PDLIM5: variants seen among roughly 807,000 people sequenced by gnomAD.
PDLIM5 encodes the protein PDZ and LIM domain 5.
In PDLIM5, 34 loss-of-function variants were observed where a neutral mutation model predicts 64.2. The ratio of observed to expected loss-of-function variants is 0.53; its 90% CI spans 0.40 to 0.71. The LOEUF (loss-of-function observed/expected upper bound fraction) is 0.71. PDLIM5 is among the 30% of genes least tolerant of loss of function. The pLI is 0.00. For missense variants in PDLIM5, 683 were observed against 733.6 expected (o/e 0.93, Z 0.80); for synonymous variants, 253 against 269.1 (o/e 0.94, Z 0.59).
chr4:94,471,029 G>A lies in PDLIM5; in HGVS notation c.96+15645G>A, dbSNP rs531221347. On this transcript the variant is annotated intron_variant, in intron 2 of 12. Transcript: ENST00000317968. ...CCCCTTTATAAACCCATCAGGTTTC[G>A]TGAGACTTTTTCACTATCATGAGAG... 3.6e-4 allele frequency among the ~76,000 whole-genome samples: 55 copies of A among 152,178 alleles called. 1 individual carries two copies. The South Asian group carries it at 7.5e-3, about 21-fold the overall frequency.
chr4:94,609,714 G>A (rs1223633480), intron 7 of PDLIM5, among the ~76,000 whole-genome samples: 1 of 152,172 alleles, frequency 6.6e-6, no homozygotes, highest in Middle Eastern at 3.4e-3. Flanking sequence ...GTATTAAAAT[G>A]TCACGCTGTC....
intron 6 of PDLIM5, among the ~76,000 whole-genome samples, chr4:94,586,033 C>T (rs550831556): frequency 1.3e-5 from 2 of 152,026 alleles, no homozygotes; most frequent in Admixed American, 6.5e-5. Flanking sequence ...ATCTGGGCAT[C>T]GTGGAAGCCA....
intron 8 of PDLIM5, among the ~76,000 whole-genome samples, chr4:94,623,419 C>T (rs1375752225): frequency 4.6e-5 from 7 of 152,190 alleles, no homozygotes; most frequent in African/African-American, 9.7e-5. Flanking sequence ...CTTCTCTTTA[C>T]CTTTTAAGAC....
chr4:94,538,126 G>T (rs1731472796), intron 3 of PDLIM5, among the ~76,000 whole-genome samples: 1 of 152,084 alleles, frequency 6.6e-6, no homozygotes, highest in African/African-American at 2.4e-5. Context: ...GAAAATTTTT[G>T]CTTTATTAGT....
chr4:94,455,812 T>G, intron 2 of PDLIM5: 1 of 1,502,294 alleles, frequency 6.7e-7, no homozygotes, highest in Non-Finnish European at 9.0e-7. Context: ...CGGAATTATT[T>G]CCTCAGCTCA....
rs147579965 is a variant in PDLIM5 at position 94,645,321 on chromosome 4, G to A, written c.1283+4871G>A. ...AGTTTCTTTATCCATTGATTGATGGGCATTTGGGCTAGTTCCATATTTTTG... is the reference window on the plus strand; with the variant it reads ...AGTTTCTTTATCCATTGATTGATGGACATTTGGGCTAGTTCCATATTTTTG... On this transcript the variant is annotated intron_variant, in intron 9 of 12. Coordinates refer to ENST00000317968, the MANE Select transcript of PDLIM5 (RefSeq NM_006457.5). 6.4e-3 allele frequency among the ~76,000 whole-genome samples: 975 copies of A among 152,254 alleles called. 7 individuals carry two copies. Among genetic ancestry groups the A allele is most frequent in the Middle Eastern group, 0.02 (6 of 294 alleles).
intron 2 of PDLIM5, among the ~76,000 whole-genome samples, chr4:94,477,607 AG>A (rs1349635289): frequency 6.6e-6 from 1 of 152,230 alleles, no homozygotes; most frequent in African/African-American, 2.4e-5. Flanking sequence ...CAGTAATAGA[AG>A]AAATGTAATG....
intron 3 of PDLIM5, among the ~76,000 whole-genome samples, chr4:94,535,835 CT>C (rs10590994): frequency 0.3 from 37,224 of 122,756 alleles, 6,826 homozygotes; most frequent in African/African-American, 0.54. Flanking sequence ...ATAAGGTCCT[CT>C]TTTTTTTTTT....
In PDLIM5 at chr4:94,657,555, C is replaced by T; in HGVS notation, c.1585+8C>T. On this transcript the variant is annotated splice_region_variant and intron_variant, in intron 11 of 12. Coordinates refer to ENST00000317968, the MANE Select transcript of PDLIM5 (RefSeq NM_006457.5). ...AACCCTACTGTGAGACTGGTAAGAT[C>T]AGGGAGCCATTTGTTTCTTGAATTT... 1 of 1,600,750 alleles carries T rather than the reference C, an allele frequency of 6.2e-7. No individual in the cohort carries two copies.
chr4:94,545,761 T>C (rs1360210927), intron 3 of PDLIM5, among the ~76,000 whole-genome samples: 1 of 152,204 alleles, frequency 6.6e-6, no homozygotes, highest in African/African-American at 2.4e-5. Context: ...TGTTCTCTTA[T>C]TGTTGTGTGC....
intron 8 of PDLIM5, among the ~76,000 whole-genome samples, chr4:94,638,988 A>G (rs2110453663): frequency 6.6e-6 from 1 of 152,360 alleles, no homozygotes; most frequent in Middle Eastern, 3.4e-3. Context: ...ATGAGAACAC[A>G]GAAGAGAAAC....
At chr4:94,456,015 TAGCACTGATGAGAGGAGTAATTAA>T (rs1723315512) in intron 2 of PDLIM5, 1 of 1,409,252 alleles carries the variant, frequency 7.1e-7, no homozygotes, top group Admixed American at 2.8e-5. Flanking sequence ...ATGATGATGA[TAGCACTGATGAGAGGAGTAATTAA>T]AGCTTCTATT....
At chr4:94,538,003 G>C (rs981225729) in intron 3 of PDLIM5, among the ~76,000 whole-genome samples, 30 of 152,170 alleles carry the variant, frequency 2.0e-4, no homozygotes, top group Admixed American at 2.0e-3. Context: ...GAAAGGGGCA[G>C]TTATGAAGAC....
intron 2 of PDLIM5, among the ~76,000 whole-genome samples, chr4:94,475,880 C>G (rs1011859469): frequency 6.6e-6 from 1 of 152,250 alleles, no homozygotes; most frequent in South Asian, 2.1e-4. Flanking sequence ...TTTACCAGGA[C>G]ATAGCCTCTA....
At position 94,668,017 on chromosome 4, in the gene PDLIM5, A is replaced by G. The variant is rs1274065652; in HGVS notation, c.*3950A>G. ...TTCCATTTGTCCCCCTCATTTCCCA[A>G]ATGTTTAAATGTATTGGATTTGGAT... On this transcript the variant is annotated 3_prime_UTR_variant, in exon 13 of 13. Coordinates refer to ENST00000317968, the MANE Select transcript of PDLIM5 (RefSeq NM_006457.5). 6.6e-6 allele frequency: 1 copy of G among 152,042 alleles called. No homozygotes were observed. Among genetic ancestry groups the G allele is most frequent in the Admixed American group, 6.6e-5 (1 of 15,248 alleles). 9.4% of individuals were successfully genotyped at this position (152,042 alleles called of 1,614,324 possible).
rs140472673 is a variant in PDLIM5, at chr4:94,579,907, A to C, written c.710+3873A>C. 4.6e-3 allele frequency among the ~76,000 whole-genome samples: 698 copies of C among 152,290 alleles called. 2 individuals are homozygous for C. Among genetic ancestry groups the C allele is most frequent in the Non-Finnish European group, 5.9e-3 (401 of 67,984 alleles). ...ACATGTAAAACTGAGTTGATGTCCAAATCAGTGTCAAAAGCTGATGGTAAA... is the reference window on the plus strand; with the variant it reads ...ACATGTAAAACTGAGTTGATGTCCACATCAGTGTCAAAAGCTGATGGTAAA... On this transcript the variant is annotated intron_variant, in intron 5 of 12. Transcript: ENST00000317968.
intron 2 of PDLIM5, chr4:94,456,435 T>A: frequency 1.4e-6 from 1 of 694,730 alleles, no homozygotes; most frequent in Non-Finnish European, 2.6e-6. Flanking sequence ...CGACCTCAGG[T>A]GATCTGCCCA....
intron 9 of PDLIM5, among the ~76,000 whole-genome samples, chr4:94,646,708 A>T (rs1299476801): frequency 6.6e-6 from 1 of 152,210 alleles, no homozygotes; most frequent in Non-Finnish European, 1.5e-5. Context: ...GTCTATTCAT[A>T]ATCAAATGAA....
intron 5 of PDLIM5, among the ~76,000 whole-genome samples, chr4:94,581,324 A>G (rs1328681308): frequency 6.6e-6 from 1 of 152,178 alleles, no homozygotes. Flanking sequence ...CTGCCGCTCC[A>G]CCACACCATT....
Sources: gnomAD v4.1 joint callset for allele counts (sites outside exome capture counted in the v4.1 genomes callset) on GRCh38, gnomAD v4.1.1 for gene constraint, MANE v1.5 for transcripts, NCBI Gene and HGNC (gene_info 2026-07-23, HGNC 2026-07-21) for gene names.